The following MALT1 variants were observed in gnomAD, a reference collection of about 807,000 sequenced individuals.
MALT1 encodes MALT1 paracaspase, also known as mucosa-associated lymphoid tissue lymphoma translocation protein 1.
In MALT1, 36 loss-of-function variants were observed where a neutral mutation model predicts 85.5. The observed-to-expected ratio is 0.42, with a 90% CI of 0.32 to 0.56. MALT1 has a LOEUF of 0.56. Ranked by LOEUF, MALT1 falls within the 20% of genes least tolerant of loss-of-function variation. The pLI, the probability that MALT1 is intolerant of heterozygous loss-of-function variation, is 0.10. For synonymous variants in MALT1, 359 were observed against 361.3 expected (o/e 0.99, Z 0.07); for missense variants, 716 against 981.6 (o/e 0.73, Z 3.62).
At chr18:58,677,048 C>T (rs1405883313) in intron 1 of MALT1, among the ~76,000 whole-genome samples, 1 of 151,930 alleles carries the variant, frequency 6.6e-6, no homozygotes, top group Non-Finnish European at 1.5e-5. Context: ...TAAATTAAAT[C>T]AAAAATTCTA....
At position 58,671,557 on chromosome 18, in the gene MALT1, T is replaced by TCGGAGGCGAGCGGAAGGTGCCC; in HGVS notation, c.-83_-62dup. On this transcript the variant is annotated 5_prime_UTR_variant, in exon 1 of 17. Transcript: ENST00000649217. ...GTTCTTCCGCCCCTGCCTCCGCGGC[T>TCGGAGGCGAGCGGAAGGTGCCC]CGGAGGCGAGCGGAAGGTGCCCCGG... The TCGGAGGCGAGCGGAAGGTGCCC allele has an allele frequency of 1.1e-6, 1 of 891,892 alleles. No homozygotes were observed. The highest frequency in any genetic ancestry group is 1.7e-5 in the African/African-American group (1 of 57,192). The allele number at this position is 891,892 out of a possible 1,614,324, so 55.2% of individuals were successfully genotyped here.
intron 15 of MALT1, among the ~76,000 whole-genome samples, chr18:58,745,020 A>G (rs939038209): frequency 6.6e-6 from 1 of 152,140 alleles, no homozygotes; most frequent in Admixed American, 6.5e-5. Flanking sequence ...GAAACCCAAA[A>G]TATCACTTTG....
intron 14 of MALT1, 104 bp from the exon 15 acceptor site, chr18:58,744,234 T>C (rs2055337456): frequency 2.9e-6 from 2 of 695,660 alleles, no homozygotes; most frequent in Admixed American, 2.9e-5. Context: ...ACAATGTAAA[T>C]CATGTTTTTA....
At chr18:58,703,030 C>G (rs1568135241) in intron 4 of MALT1, among the ~76,000 whole-genome samples, 1 of 152,158 alleles carries the variant, frequency 6.6e-6, no homozygotes, top group African/African-American at 2.4e-5. Context: ...TCACTTTAGT[C>G]TTCCGTAAAC....
At chr18:58,706,439 G>A (rs1429735344) in intron 4 of MALT1, among the ~76,000 whole-genome samples, 2 of 152,192 alleles carry the variant, frequency 1.3e-5, no homozygotes, top group East Asian at 3.8e-4. Flanking sequence ...ACAGGCGTGA[G>A]CCACCGCGCC....
At chr18:58,677,282 TG>T (rs149640534) in intron 1 of MALT1, among the ~76,000 whole-genome samples, 2 of 151,976 alleles carry the variant, frequency 1.3e-5, no homozygotes, top group Non-Finnish European at 2.9e-5. Context: ...TTTGTTCTTT[TG>T]GGGGGGAAGG....
chr18:58,709,994 G>A lies in MALT1; in HGVS notation c.847G>A (p.Glu283Lys). The change falls in exon 6 of 17, where the codon GAA becomes AAA. Residue 283 changes from glutamate (E) to lysine (K), a missense_variant. This residue lies in a region of MALT1 where 290 missense variants were observed against 380.5 expected (regional missense o/e 0.76). Coordinates refer to ENST00000649217, the MANE Select transcript of MALT1 (RefSeq NM_006785.4). The stretch of plus-strand genomic sequence containing the variant: ...GATATAGGTGCCTTATGTGGATTTG[G>A]AACACCAAGGAACCTACTGGTGTCA... ...KLYMVPYVDL[E>K]HQGTYWCHVY... 1 of 1,608,862 alleles carries A rather than the reference G, an allele frequency of 6.2e-7. No homozygotes were observed.
chr18:58,707,124 A>G (rs1448756941), intron 4 of MALT1, among the ~76,000 whole-genome samples: 3 of 151,954 alleles, frequency 2.0e-5, no homozygotes, highest in African/African-American at 7.2e-5. Flanking sequence ...GTTTGCTGGT[A>G]AGCCCATCGA....
chr18:58,704,613 C>T (rs2144372706), intron 4 of MALT1, among the ~76,000 whole-genome samples: 1 of 152,282 alleles, frequency 6.6e-6, no homozygotes, highest in Non-Finnish European at 1.5e-5. Flanking sequence ...TGCACCACTG[C>T]ACCTGGCTAA....
At chr18:58,698,067 G>GTTTTTTTTTTT (rs796905674) in intron 3 of MALT1, among the ~76,000 whole-genome samples, 3 of 74,962 alleles carry the variant, frequency 4.0e-5, no homozygotes, top group Non-Finnish European at 6.4e-5. Context: ...GTTTTGTTTT[G>GTTTTTTTTTTT]TTTTTTTGTT....
intron 2 of MALT1, among the ~76,000 whole-genome samples, chr18:58,693,724 G>A (rs2054547428): frequency 6.6e-6 from 1 of 152,170 alleles, no homozygotes; most frequent in African/African-American, 2.4e-5. Flanking sequence ...AGTAAGACTG[G>A]TTTACCATCT....
chr18:58,713,415 A>G (rs1400426229), intron 7 of MALT1, among the ~76,000 whole-genome samples: 1 of 152,130 alleles, frequency 6.6e-6, no homozygotes, highest in Non-Finnish European at 1.5e-5. Flanking sequence ...AAAACATCAA[A>G]TCTCAGTTGA....
intron 4 of MALT1, among the ~76,000 whole-genome samples, chr18:58,709,091 C>T (rs1351055726): frequency 2.0e-5 from 3 of 152,188 alleles, no homozygotes; most frequent in Non-Finnish European, 1.5e-5. Flanking sequence ...AACTATATTC[C>T]TCTCCTTAAT....
At position 58,695,314 on chromosome 18, in the gene MALT1, G is replaced by A. The variant is rs571926418; in HGVS notation, c.377-1052G>A. ...CTGAATGGCCTCCTGCCACAGTCAT[G>A]TGCTTCCCTGGGGCGAGTGAGTGAG... On this transcript the variant is annotated intron_variant, in intron 2 of 16. Coordinates refer to ENST00000649217, the MANE Select transcript of MALT1 (RefSeq NM_006785.4). Among the ~76,000 whole-genome samples, 4 of 152,344 alleles carry A rather than the reference G, an allele frequency of 2.6e-5. No individual in the cohort carries two copies. The East Asian group carries it at 5.8e-4, about 22-fold the overall frequency.
chr18:58,691,253 C>A, intron 2 of MALT1: 1 of 416,016 alleles, frequency 2.4e-6, no homozygotes, highest in Non-Finnish European at 4.6e-6. Flanking sequence ...GCTATCCTTA[C>A]CCCTATCTCC....
chr18:58,693,175 C>T (rs2144343707), intron 2 of MALT1, among the ~76,000 whole-genome samples: 1 of 152,336 alleles, frequency 6.6e-6, no homozygotes, highest in Admixed American at 6.5e-5. Flanking sequence ...AATCCCACCA[C>T]TCTGGGAGGC....
chr18:58,745,541 ACCAAAATTCACGAGAGG>A (rs2055354285), intron 15 of MALT1, 108 bp from the exon 16 acceptor site: 3 of 747,744 alleles, frequency 4.0e-6, no homozygotes, highest in Admixed American at 2.8e-5. Flanking sequence ...TTTTGGGATT[ACCAAAATTCACGAGAGG>A]CCAGAATTCA....
At position 58,752,963 on chromosome 18, in the gene MALT1, T is replaced by C. The variant is rs569070317; in HGVS notation, c.*5121T>C. 2 of 152,320 alleles carry C rather than the reference T, an allele frequency of 1.3e-5. No individual in the cohort carries two copies. Among genetic ancestry groups the C allele is most frequent in the Admixed American group, 6.5e-5 (1 of 15,300 alleles). The allele number at this position is 152,320 out of a possible 1,614,324, so 9.4% of individuals were successfully genotyped here. A position where few individuals can be genotyped will look rare whatever the true frequency, so the allele number is the denominator to read the frequency against. ...CACCTCAGGTTTCAGCCCTTACTAA[T>C]AGCGTGGCTCAAAGAGCGTTAACTT... On this transcript the variant is annotated 3_prime_UTR_variant, in exon 17 of 17. Transcript: ENST00000649217.
intron 10 of MALT1, among the ~76,000 whole-genome samples, chr18:58,731,958 C>G (rs911798054): frequency 6.6e-6 from 1 of 152,036 alleles, no homozygotes; most frequent in Non-Finnish European, 1.5e-5. Flanking sequence ...TTAGCTGAAA[C>G]GTATTTGAAA....
Sources: gnomAD v4.1 joint callset for allele counts (sites outside exome capture counted in the v4.1 genomes callset) on GRCh38, gnomAD v4.1.1 for gene constraint, gnomAD v4.1.1 regional missense constraint, MANE v1.5 for transcripts, NCBI Gene and HGNC (gene_info 2026-07-23, HGNC 2026-07-21) for gene names.